The following ADGRL2 variants were observed in gnomAD, a reference collection of about 807,000 sequenced individuals.
ADGRL2 encodes adhesion G protein-coupled receptor L2.
In ADGRL2, 44 loss-of-function variants were observed where a neutral mutation model predicts 157.4. That is an observed-to-expected ratio of 0.28 (90% CI 0.22 to 0.36). The LOEUF (loss-of-function observed/expected upper bound fraction) is 0.36, where lower values mean the gene tolerates loss of function less well. ADGRL2 is among the 10% of genes least tolerant of loss of function. The pLI, the probability that ADGRL2 is intolerant of heterozygous loss-of-function variation, is 1.00. For missense variants in ADGRL2, 1,510 were observed against 1,768.9 expected (o/e 0.85, Z 2.63); for synonymous variants, 585 against 624.7 (o/e 0.94, Z 0.95).
At chr1:81,800,844 C>T (rs2087946650), upstream of ADGRL2, among the ~76,000 whole-genome samples, 1 of 149,432 alleles carries the variant, frequency 6.7e-6, no homozygotes, top group African/African-American at 2.4e-5. Flanking sequence ...AGCTCGGGGA[C>T]CTGGGGGTAG....
intron 2 of ADGRL2, among the ~76,000 whole-genome samples, chr1:81,510,580 T>A (rs548156895): frequency 6.6e-6 from 1 of 152,274 alleles, no homozygotes; most frequent in South Asian, 2.1e-4. Context: ...ATAGAGAAGA[T>A]ATGCATTGGC....
intron 1 of ADGRL2, among the ~76,000 whole-genome samples, chr1:81,746,415 G>A (rs948730146): frequency 1.3e-5 from 2 of 152,070 alleles, no homozygotes; most frequent in African/African-American, 4.8e-5. Flanking sequence ...TCAGCCTCCT[G>A]AGTAGCTGGG....
At chr1:81,659,530 C>T (rs759983357) in intron 3 of ADGRL2, among the ~76,000 whole-genome samples, 43 of 152,222 alleles carry the variant, frequency 2.8e-4, no homozygotes, top group Admixed American at 2.6e-4. Context: ...ATCTGAAAAC[C>T]CAGTCAAAAT....
chr1:81,483,792 A>G (rs892080216), intron 2 of ADGRL2, among the ~76,000 whole-genome samples: 13 of 152,314 alleles, frequency 8.5e-5, no homozygotes, highest in African/African-American at 3.1e-4. Context: ...AAAACTTTTA[A>G]TAGACATGTG....
At chr1:81,711,041 T>C (rs1264630971) in intron 1 of ADGRL2, among the ~76,000 whole-genome samples, 2 of 152,198 alleles carry the variant, frequency 1.3e-5, no homozygotes, top group Non-Finnish European at 2.9e-5. Context: ...GTTATGTAGA[T>C]TTCCCATATG....
chr1:81,374,250 T>C (rs2076208170), intron 1 of ADGRL2, among the ~76,000 whole-genome samples: 2 of 152,096 alleles, frequency 1.3e-5, no homozygotes, highest in Non-Finnish European at 2.9e-5. Context: ...ACACAATAAG[T>C]GGAGTAAAAA....
chr1:81,901,818 A>G (rs1428130059), intron 2 of ADGRL2, among the ~76,000 whole-genome samples: 1 of 152,168 alleles, frequency 6.6e-6, no homozygotes, highest in African/African-American at 2.4e-5. Flanking sequence ...TATCCCTTGA[A>G]GTTTTCAGGA....
At chr1:81,668,401 A>G (rs1197395878) in intron 3 of ADGRL2, among the ~76,000 whole-genome samples, 1 of 146,704 alleles carries the variant, frequency 6.8e-6, no homozygotes, top group Non-Finnish European at 1.5e-5. Flanking sequence ...GCCTGGCGAC[A>G]GAGTAACACT....
chr1:81,720,302 G>A (rs1015656349), intron 1 of ADGRL2, among the ~76,000 whole-genome samples: 14 of 149,412 alleles, frequency 9.4e-5, no homozygotes, highest in African/African-American at 2.5e-4. Flanking sequence ...CCAGCCTCCC[G>A]AGTAGCTGGA....
chr1:81,767,893 G>A (rs1211611189), intron 2 of ADGRL2, among the ~76,000 whole-genome samples: 2 of 151,038 alleles, frequency 1.3e-5, no homozygotes, highest in Admixed American at 1.3e-4. Flanking sequence ...AAATTGCTGG[G>A]TCATGGAGTA....
intron 3 of ADGRL2, among the ~76,000 whole-genome samples, chr1:81,620,332 A>G (rs984766096): frequency 6.6e-6 from 1 of 152,256 alleles, no homozygotes; most frequent in African/African-American, 2.4e-5. Context: ...AAATTTAAAA[A>G]TGTAAGATGT....
At chr1:81,619,672 G>C (rs1261549542) in intron 3 of ADGRL2, among the ~76,000 whole-genome samples, 1 of 152,048 alleles carries the variant, frequency 6.6e-6, no homozygotes, top group Non-Finnish European at 1.5e-5. Context: ...CTTCTAAAAA[G>C]ATTATTAATT....
intron 3 of ADGRL2, among the ~76,000 whole-genome samples, chr1:81,913,803 C>T (rs1202047226): frequency 6.6e-6 from 1 of 152,120 alleles, no homozygotes. Flanking sequence ...TCCACAGGGG[C>T]TGAAACCTCA....
intron 1 of ADGRL2, among the ~76,000 whole-genome samples, chr1:81,401,913 A>G (rs1334822565): frequency 6.6e-6 from 1 of 152,180 alleles, no homozygotes; most frequent in Non-Finnish European, 1.5e-5. Context: ...AAAGATAATA[A>G]CTTGTTCAGC....
chr1:81,577,057 A>C (rs1431724901), intron 2 of ADGRL2, among the ~76,000 whole-genome samples: 1 of 152,152 alleles, frequency 6.6e-6, no homozygotes, highest in African/African-American at 2.4e-5. Context: ...ACTCAAGAGC[A>C]AGCTTTCTGA....
At chr1:81,815,430 A>G (rs1004509724) in intron 1 of ADGRL2, among the ~76,000 whole-genome samples, 2 of 151,856 alleles carry the variant, frequency 1.3e-5, no homozygotes, top group African/African-American at 4.8e-5. Context: ...TTTTGAAAGT[A>G]TTTGAATTTC....
intron 1 of ADGRL2, among the ~76,000 whole-genome samples, chr1:81,410,473 T>G (rs1337978075): frequency 6.6e-6 from 1 of 152,226 alleles, no homozygotes; most frequent in Non-Finnish European, 1.5e-5. Flanking sequence ...AGATTAGCAC[T>G]GGCCTCCAAG....
chr1:81,939,738 T>TGATA (rs1315162151), intron 4 of ADGRL2, among the ~76,000 whole-genome samples: 1 of 151,404 alleles, frequency 6.6e-6, no homozygotes, highest in African/African-American at 2.4e-5. Context: ...ATTTGGCATG[T>TGATA]GATAGAGAAT....
At chr1:81,841,265 A>AT (rs1397617155) in intron 2 of ADGRL2, among the ~76,000 whole-genome samples, 1 of 152,104 alleles carries the variant, frequency 6.6e-6, no homozygotes, top group Non-Finnish European at 1.5e-5. Flanking sequence ...TTATGTATTT[A>AT]TTTTATATAA....
Sources: allele counts gnomAD v4.1 joint callset (sites outside exome capture counted in the v4.1 genomes callset), GRCh38; gene constraint gnomAD v4.1.1; transcripts MANE v1.5; gene names NCBI Gene and HGNC (gene_info 2026-07-23, HGNC 2026-07-21).